ACOT6: variants seen among roughly 807,000 people sequenced by gnomAD.
ACOT6 encodes acyl-CoA thioesterase 6.
In ACOT6, 14 loss-of-function variants were observed where a neutral mutation model predicts 12.3. The ratio of observed to expected loss-of-function variants is 1.14; its 90% confidence interval spans 0.75 to 1.78. The LOEUF (loss-of-function observed/expected upper bound fraction) is 1.78, where lower values mean the gene tolerates loss of function less well. ACOT6 is among the 40% of genes most tolerant of loss of function. The pLI is 0.00. For missense variants in ACOT6, 523 were observed against 551.8 expected (o/e 0.95, Z 0.52); for synonymous variants, 218 against 231.3 (o/e 0.94, Z 0.52).
intron 2 of ACOT6, 72 bp downstream of exon 2, chr14:73,617,264 T>C (rs1890556798): frequency 1.9e-6 from 3 of 1,589,202 alleles, no homozygotes; most frequent in Non-Finnish European, 1.7e-6. Flanking sequence ...CCAAAAGCCC[T>C]GCCAGAACAC....
chr14:73,619,295 T>A lies in ACOT6; in HGVS notation c.722T>A (p.Met241Lys), dbSNP rs150641071. The change falls in exon 3 of 3, where the codon ATG becomes AAG. Residue 241 changes from methionine to lysine, a missense_variant. Physicochemically the swap from Met to Lys is moderately conservative, Grantham distance 95. Around this residue, in one of 2 missense-constraint regions of ACOT6, gnomAD observed 219 missense variants for 277.0 expected, o/e 0.79. Transcript: ENST00000645972. ...FSKGGDLCLSMASFLKGITAT... is the reference protein window; with the variant it reads ...FSKGGDLCLSKASFLKGITAT... ...AAAGGAGGTGACCTGTGTCTCTCAA[T>A]GGCTTCTTTCTTGAAGGGCATCACA... 8.1e-6 allele frequency: 13 copies of A among 1,612,452 alleles called. No individual in the cohort carries two copies. In the East Asian group the frequency reaches 2.7e-4, roughly 33 times the overall value.
chr14:73,619,610 G>A lies in ACOT6; in HGVS notation c.1037G>A (p.Gly346Glu). 6.2e-7 allele frequency: 1 copy of A among 1,614,164 alleles called. No individual in the cohort carries two copies. Among genetic ancestry groups the A allele is most frequent in the Non-Finnish European group, 8.5e-7 (1 of 1,180,044 alleles). The change falls in exon 3 of 3, where the codon GGG becomes GAG. Residue 346 changes from glycine to glutamate, a missense_variant. By Grantham distance (98) the Gly-to-Glu change is moderately conservative (BLOSUM62 -2). Around this residue, in one of 2 missense-constraint regions of ACOT6, gnomAD observed 219 missense variants for 277.0 expected, o/e 0.79. Transcript: ENST00000645972. Reference protein sequence around the residue: ...QIASERLQAHGKERPQIICYP... With the variant: ...QIASERLQAHEKERPQIICYP... ...GCCTCTGAAAGGCTACAAGCTCATG[G>A]GAAAGAAAGACCCCAGATAATCTGT...
At chr14:73,616,398 T>C in intron 1 of ACOT6, among the ~76,000 whole-genome samples, 1 of 152,106 alleles carries the variant, frequency 6.6e-6, no homozygotes, top group South Asian at 2.1e-4. Flanking sequence ...ATTTATATCA[T>C]TAAAAAGTTT....
chr14:73,611,746 C>G (rs537112905), upstream of ACOT6: 53 of 152,216 alleles, frequency 3.5e-4, no homozygotes, highest in African/African-American at 1.2e-3. Flanking sequence ...CTAAAGATCA[C>G]CAGGTATTAA....
chr14:73,619,230 A>G lies in ACOT6; in HGVS notation c.661-4A>G. 3 of 1,544,390 alleles carry G rather than the reference A, an allele frequency of 1.9e-6. No homozygotes were observed. Among genetic ancestry groups the G allele is most frequent in the Non-Finnish European group, 2.6e-6 (3 of 1,149,392 alleles). Reference sequence around the variant, plus strand: ...CTTGTTTTCCTTCTCTTTTTCCTCAACAGGTGAAAGGTCCTAGTATTGCGC... The same window carrying G: ...CTTGTTTTCCTTCTCTTTTTCCTCAGCAGGTGAAAGGTCCTAGTATTGCGC... On this transcript the variant is annotated splice_polypyrimidine_tract_variant and splice_region_variant and intron_variant, in intron 2 of 2. Coordinates refer to ENST00000645972, the MANE Select transcript of ACOT6 (RefSeq NM_001365788.1).
intron 2 of ACOT6, 150 bp downstream of exon 2, chr14:73,617,342 T>C (rs1200686701): frequency 2.7e-6 from 3 of 1,093,270 alleles, no homozygotes; most frequent in Non-Finnish European, 4.1e-6. Flanking sequence ...AAGCTGGGCA[T>C]GGTGATGTGC....
upstream of ACOT6, among the ~76,000 whole-genome samples, chr14:73,611,771 G>A (rs1413987244): frequency 1.3e-5 from 2 of 152,118 alleles, no homozygotes; most frequent in East Asian, 1.9e-4. Flanking sequence ...AAGGATCAGG[G>A]TCAGACCAGA....
At chr14:73,614,590 CA>C (rs1205449503) in intron 1 of ACOT6, among the ~76,000 whole-genome samples, 2 of 150,540 alleles carry the variant, frequency 1.3e-5, no homozygotes, top group East Asian at 4.0e-4. Context: ...TTATATAATA[CA>C]AAAAAATTAG....
Position 73,619,311 on chromosome 14 carries a change from G to A in ACOT6, c.738G>A (p.Lys246=), listed in dbSNP as rs770478789. ...GTCTCTCAATGGCTTCTTTCTTGAA[G>A]GGCATCACAGCCACTGTACTTATCA... ...DLCLSMASFL[K]GITATVLINA... Residue 246 remains lysine (K), a synonymous_variant, in exon 3 of 3, where the codon AAG becomes AAA. Coordinates refer to ENST00000645972, the MANE Select transcript of ACOT6 (RefSeq NM_001365788.1). 1 of 1,613,554 alleles carries A rather than the reference G, an allele frequency of 6.2e-7. No homozygotes were observed. The highest frequency in any genetic ancestry group is 8.5e-7 in the Non-Finnish European group (1 of 1,179,894).
rs201666012 is a variant in ACOT6 at position 73,619,490 on chromosome 14, A to G, written c.917A>G (p.Gln306Arg). 3.1e-6 allele frequency: 5 copies of G among 1,614,244 alleles called. No homozygotes were observed. Among genetic ancestry groups the G allele is most frequent in the South Asian group, 2.2e-5 (2 of 91,082 alleles). The change falls in exon 3 of 3, where the codon CAA becomes CGA. Residue 306 changes from glutamine to arginine, a missense_variant. Around this residue, in one of 2 missense-constraint regions of ACOT6, gnomAD observed 219 missense variants for 277.0 expected, o/e 0.79. Transcript: ENST00000645972. ...AATCCACTGGAGGAACACAATCACC[A>G]AAGTCTTGTTCCATTGGAAAAGGCG... Reference protein sequence around the residue: ...WSNPLEEHNHQSLVPLEKAQV... With the variant: ...WSNPLEEHNHRSLVPLEKAQV...
rs1890471331 is a variant in ACOT6, at chr14:73,612,826, G to A, written c.255G>A (p.Glu85=). The change falls in exon 1 of 3, where the codon GAG becomes GAA. Residue 85 remains glutamate, a synonymous_variant. Transcript: ENST00000645972. ...CCATGGGGCTGCTGTGGGCGTTGGAGCCCGAGAAAGCCTTGGTGCGGCTGG... is the reference window on the plus strand; with the variant it reads ...CCATGGGGCTGCTGTGGGCGTTGGAACCCGAGAAAGCCTTGGTGCGGCTGG... ...LQPMGLLWAL[E]PEKALVRLVK... 4 of 1,421,918 alleles carry A rather than the reference G, an allele frequency of 2.8e-6. No individual in the cohort carries two copies. Among genetic ancestry groups the A allele is most frequent in the Non-Finnish European group, 3.7e-6 (4 of 1,072,154 alleles). 88.1% of individuals were successfully genotyped at this position (1,421,918 alleles called of 1,614,324 possible). A position where few individuals can be genotyped will look rare whatever the true frequency, so the allele number is the denominator to read the frequency against.
In ACOT6 at chr14:73,619,856, C is replaced by A; in HGVS notation, c.*17C>A. 1.9e-6 allele frequency: 3 copies of A among 1,546,622 alleles called. No homozygotes were observed. The South Asian group carries it at 3.7e-5, about 19-fold the overall frequency. On this transcript the variant is annotated 3_prime_UTR_variant, in exon 3 of 3. Coordinates refer to ENST00000645972, the MANE Select transcript of ACOT6 (RefSeq NM_001365788.1). The stretch of plus-strand genomic sequence containing the variant: ...AAAATATAACATTGTAGCCACAGAC[C>A]AGATACCATTAATAAAAATCCTATT...
At chr14:73,615,623 G>A (rs997316025) in intron 1 of ACOT6, among the ~76,000 whole-genome samples, 15 of 150,906 alleles carry the variant, frequency 9.9e-5, no homozygotes, top group African/African-American at 2.9e-4. Flanking sequence ...CCAACTACTC[G>A]GGAGGCTGAG....
chr14:73,612,716 C>G lies in ACOT6; in HGVS notation c.145C>G (p.His49Asp), dbSNP rs1012023325. Residue 49 changes from histidine to aspartate, a missense_variant, in exon 1 of 3, where the codon CAC becomes GAC. This residue lies in a region of ACOT6 where 304 missense variants were observed against 274.8 expected (regional missense o/e 1.11). Coordinates refer to ENST00000645972, the MANE Select transcript of ACOT6 (RefSeq NM_001365788.1). The stretch of plus-strand genomic sequence containing the variant: ...CGAAGAGGGCGCGCTCTTCCGGGCC[C>G]ACGCGCGCTACCGTGCCGACGCCCG... ...RDEEGALFRAHARYRADARDE... is the reference protein window; with the variant it reads ...RDEEGALFRADARYRADARDE... 2 of 1,387,226 alleles carry G rather than the reference C, an allele frequency of 1.4e-6. No individual in the cohort carries two copies. The highest frequency in any genetic ancestry group is 1.9e-6 in the Non-Finnish European group (2 of 1,077,468). 85.9% of individuals were successfully genotyped at this position (1,387,226 alleles called of 1,614,324 possible). A position where few individuals can be genotyped will look rare whatever the true frequency, so the allele number is the denominator to read the frequency against.
intron 1 of ACOT6, among the ~76,000 whole-genome samples, chr14:73,615,388 T>TAAAAAAAAAAAA (rs1160138803): frequency 6.3e-5 from 4 of 63,318 alleles, no homozygotes; most frequent in African/African-American, 3.0e-4. Context: ...CTCTGTCTGA[T>TAAAAAAAAAAAA]AAAAAAAAAA....
rs867712821 is a variant in ACOT6, at chr14:73,619,744, C to A, written c.1171C>A (p.His391Asn). The part of the protein sequence containing the change: ...AIFYGGEPKA[H>N]SKAQVDAWQQ... ...ATTCTATGGAGGTGAGCCAAAGGCT[C>A]ACTCAAAGGCACAGGTAGATGCCTG... The change falls in exon 3 of 3, where the codon CAC (histidine) becomes AAC (asparagine). Residue 391 changes from histidine to asparagine, a missense_variant. His to Asn is a moderately conservative substitution (Grantham distance 68). Transcript: ENST00000645972. The A allele has an allele frequency of 1.4e-5, 22 of 1,613,948 alleles. No homozygotes were observed. Among genetic ancestry groups the A allele is most frequent in the Non-Finnish European group, 1.9e-5 (22 of 1,179,942 alleles).
intron 1 of ACOT6, among the ~76,000 whole-genome samples, chr14:73,615,852 G>A (rs1321748330): frequency 6.6e-6 from 1 of 152,156 alleles, no homozygotes; most frequent in Non-Finnish European, 1.5e-5. Context: ...GATTGCTTGA[G>A]GCCAGGAGTT....
At chr14:73,611,497 ACT>A (rs1196485002), upstream of ACOT6, 1 of 151,206 alleles carries the variant, frequency 6.6e-6, no homozygotes, top group Non-Finnish European at 1.5e-5. Flanking sequence ...CCTTTATAAA[ACT>A]CTCCTCAATT....
chr14:73,612,783 G>A lies in ACOT6; in HGVS notation c.212G>A (p.Ser71Asn). 7.3e-7 allele frequency: 1 copy of A among 1,362,472 alleles called. No individual in the cohort carries two copies. Among genetic ancestry groups the A allele is most frequent in the African/African-American group, 1.5e-5 (1 of 65,092 alleles). The allele number at this position is 1,362,472 out of a possible 1,614,324, so 84.4% of individuals were successfully genotyped here. The change falls in exon 1 of 3, where the codon AGC (serine) becomes AAC (asparagine). Residue 71 changes from serine (S) to asparagine (N), a missense_variant. Ser to Asn is a conservative substitution (Grantham distance 46). Around this residue, in one of 2 missense-constraint regions of ACOT6, gnomAD observed 304 missense variants for 274.8 expected, o/e 1.11. Coordinates refer to ENST00000645972, the MANE Select transcript of ACOT6 (RefSeq NM_001365788.1). ...GAGCGCGCGCCCGCGCTGGGAGGCA[G>A]CTTCGCGGGGCTCCAGCCCATGGGG... ...DLERAPALGG[S>N]FAGLQPMGLL...
Sources: allele counts gnomAD v4.1 joint callset (sites outside exome capture counted in the v4.1 genomes callset), GRCh38; gene constraint gnomAD v4.1.1; regional missense constraint gnomAD v4.1.1; transcripts MANE v1.5; gene names NCBI Gene and HGNC (gene_info 2026-07-23, HGNC 2026-07-21).